Variants in FAT3 observed in about 807,000 individuals in gnomAD.
FAT3 encodes protocadherin Fat 3.
Under a neutral mutation model 310.2 loss-of-function variants are expected in FAT3, and 95 were observed. That is an observed-to-expected ratio of 0.31 (90% CI 0.26 to 0.36). The LOEUF (loss-of-function observed/expected upper bound fraction) is 0.36, where lower values mean the gene tolerates loss of function less well. Ranked by LOEUF, FAT3 falls within the 10% of genes least tolerant of loss-of-function variation. FAT3 has a pLI of 1.00. For missense variants in FAT3, 5,408 were observed against 5,715.6 expected, an observed-to-expected ratio of 0.95 and a Z score of 1.74; for synonymous variants, 2,314 against 2,192.9, an observed-to-expected ratio of 1.06 and a Z score of -1.54.
intron 20 of FAT3, among the ~76,000 whole-genome samples, 192 bp downstream of exon 20, chr11:92,857,540 A>G (rs1014814264): frequency 2.6e-5 from 4 of 152,216 alleles, no homozygotes; most frequent in African/African-American, 9.7e-5. Flanking sequence ...GCTTGTGCTA[A>G]GGGAGCATGT....
intron 13 of FAT3, among the ~76,000 whole-genome samples, chr11:92,817,217 G>A (rs1296056745): frequency 6.6e-6 from 1 of 152,116 alleles, no homozygotes; most frequent in Non-Finnish European, 1.5e-5. Context: ...AAAGGTGAGC[G>A]GGAGTCAGTA....
intron 8 of FAT3, among the ~76,000 whole-genome samples, chr11:92,791,857 A>G (rs796466101): frequency 1.8e-4 from 27 of 152,308 alleles, no homozygotes; most frequent in African/African-American, 6.5e-4. Context: ...AGGAAACTTT[A>G]AAACTGCCAA....
Position 92,805,197 on chromosome 11 carries a change from G to A in FAT3, c.8941G>A (p.Glu2981Lys), listed in dbSNP as rs1379162964. 1 of 1,613,648 alleles carries A rather than the reference G, an allele frequency of 6.2e-7. No homozygotes were observed. The highest frequency in any genetic ancestry group is 8.5e-7 in the Non-Finnish European group (1 of 1,179,764). The change falls in exon 11 of 28, where the codon GAG (glutamate) becomes AAG (lysine). Residue 2981 changes from glutamate to lysine, a missense_variant. Physicochemically the swap from Glu to Lys is moderately conservative, Grantham distance 56 (BLOSUM62 1). Transcript: ENST00000525166. ...GRFALGLVQSEWKVYVKRPLD... is the reference protein window; with the variant it reads ...GRFALGLVQSKWKVYVKRPLD... ...GTTTGCTCTGGGCCTGGTGCAAAGTGAGTGGAAGGTCTATGTGAAGAGGCC... is the reference window on the plus strand; with the variant it reads ...GTTTGCTCTGGGCCTGGTGCAAAGTAAGTGGAAGGTCTATGTGAAGAGGCC...
intron 2 of FAT3, among the ~76,000 whole-genome samples, chr11:92,486,895 C>T (rs891337903): frequency 6.6e-6 from 1 of 152,108 alleles, no homozygotes; most frequent in African/African-American, 2.4e-5. Flanking sequence ...TCATCTGGTT[C>T]CTACTAGCAA....
chr11:92,413,468 A>ACCTGT (rs1197988716), intron 2 of FAT3, among the ~76,000 whole-genome samples: 1 of 152,154 alleles, frequency 6.6e-6, no homozygotes, highest in Non-Finnish European at 1.5e-5. Flanking sequence ...TTTAGATAAC[A>ACCTGT]CCTGTCAAAT....
At chr11:92,508,557 C>T (rs1374635211) in intron 2 of FAT3, among the ~76,000 whole-genome samples, 1 of 152,036 alleles carries the variant, frequency 6.6e-6, no homozygotes, top group African/African-American at 2.4e-5. Flanking sequence ...AAGTTCAAGT[C>T]CATTCATTAC....
chr11:92,459,322 A>G (rs1177114358), intron 2 of FAT3, among the ~76,000 whole-genome samples: 1 of 152,154 alleles, frequency 6.6e-6, no homozygotes, highest in Non-Finnish European at 1.5e-5. Flanking sequence ...CCAGTTGGCC[A>G]TTGGAGCTGC....
At chr11:92,563,954 G>A (rs866998707) in intron 3 of FAT3, among the ~76,000 whole-genome samples, 19 of 151,800 alleles carry the variant, frequency 1.3e-4, no homozygotes, top group Admixed American at 5.9e-4. Flanking sequence ...AAAGACCATC[G>A]AGACTAGGAA....
intron 2 of FAT3, among the ~76,000 whole-genome samples, chr11:92,515,791 C>T (rs939104398): frequency 2.6e-5 from 4 of 151,808 alleles, no homozygotes; most frequent in African/African-American, 9.7e-5. Flanking sequence ...GTCAAAATAC[C>T]AGGTGCACAA....
At chr11:92,574,173 T>C (rs1938340855) in intron 3 of FAT3, among the ~76,000 whole-genome samples, 1 of 152,188 alleles carries the variant, frequency 6.6e-6, no homozygotes, top group Non-Finnish European at 1.5e-5. Flanking sequence ...CCCACACATC[T>C]GTTTAGAAGC....
intron 2 of FAT3, among the ~76,000 whole-genome samples, chr11:92,474,543 C>G (rs1951998685): frequency 6.6e-6 from 1 of 152,010 alleles, no homozygotes; most frequent in African/African-American, 2.4e-5. Context: ...TTCCAGCCCT[C>G]AAGATGCTCA....
chr11:92,844,051 G>C lies in FAT3; in HGVS notation c.10684G>C (p.Glu3562Gln). The C allele has an allele frequency of 6.2e-7, 1 of 1,613,996 alleles. No homozygotes were observed. The highest frequency in any genetic ancestry group is 1.3e-5 in the African/African-American group (1 of 75,034). Residue 3562 changes from glutamate to glutamine, a missense_variant, in exon 19 of 28, where the codon GAG (glutamate) becomes CAG (glutamine). Glu to Gln is a conservative substitution (Grantham distance 29). Coordinates refer to ENST00000525166, the MANE Select transcript of FAT3 (RefSeq NM_001367949.2). ...IPLEIFIVTM[E>Q]DDFPGGVIGK... Reference sequence around the variant, plus strand: ...CCTGGAAATTTTCATTGTCACCATGGAGGATGACTTTCCTGGTGGGGTCAT... The same window carrying C: ...CCTGGAAATTTTCATTGTCACCATGCAGGATGACTTTCCTGGTGGGGTCAT...
chr11:92,730,103 A>T (rs1945133655), intron 4 of FAT3, among the ~76,000 whole-genome samples: 1 of 152,136 alleles, frequency 6.6e-6, no homozygotes, highest in African/African-American at 2.4e-5. Flanking sequence ...GCATTTTGGG[A>T]GGCCGAGGTG....
At chr11:92,666,622 A>G (rs1942963178) in intron 3 of FAT3, among the ~76,000 whole-genome samples, 1 of 151,900 alleles carries the variant, frequency 6.6e-6, no homozygotes, top group African/African-American at 2.4e-5. Flanking sequence ...GGCCTCCCAA[A>G]GTGCTGAGAT....
rs1211887842 is a variant in FAT3 at position 92,799,329 on chromosome 11, G to T, written c.6316G>T (p.Val2106Leu). ...GGAACCCGGGACTCTGATTTATCAGGTGACAGCCATTGACAAAGATAAAGG... is the reference window on the plus strand; with the variant it reads ...GGAACCCGGGACTCTGATTTATCAGTTGACAGCCATTGACAAAGATAAAGG... Reference protein sequence around the residue: ...DAEPGTLIYQVTAIDKDKGPN... With the variant: ...DAEPGTLIYQLTAIDKDKGPN... The change falls in exon 10 of 28, where the codon GTG becomes TTG. Residue 2106 changes from valine to leucine, a missense_variant. This residue lies in a region of FAT3 where 4,588 missense variants were observed against 4,809.8 expected (regional missense o/e 0.95). Coordinates refer to ENST00000525166, the MANE Select transcript of FAT3 (RefSeq NM_001367949.2). 1 of 1,613,780 alleles carries T rather than the reference G, an allele frequency of 6.2e-7. No individual in the cohort carries two copies. The highest frequency in any genetic ancestry group is 8.5e-7 in the Non-Finnish European group (1 of 1,179,878).
intron 3 of FAT3, among the ~76,000 whole-genome samples, chr11:92,612,204 A>T (rs528532404): frequency 6.6e-6 from 1 of 152,266 alleles, no homozygotes; most frequent in Admixed American, 6.5e-5. Context: ...TTTATACTAC[A>T]CATTTTGTCT....
At chr11:92,249,758 C>A (rs1049753791) in intron 1 of FAT3, among the ~76,000 whole-genome samples, 6 of 152,026 alleles carry the variant, frequency 3.9e-5, no homozygotes, top group Non-Finnish European at 7.4e-5. Context: ...ACCTGAGGTG[C>A]CAGCAGCAAA....
At chr11:92,607,877 C>T (rs908381257) in intron 3 of FAT3, among the ~76,000 whole-genome samples, 8 of 152,094 alleles carry the variant, frequency 5.3e-5, no homozygotes, top group African/African-American at 1.9e-4. Context: ...ACCACTTTCC[C>T]CTTTCTATAA....
At chr11:92,360,310 T>C (rs530002708) in intron 2 of FAT3, among the ~76,000 whole-genome samples, 2 of 152,338 alleles carry the variant, frequency 1.3e-5, no homozygotes, top group African/African-American at 4.8e-5. Context: ...AATCAAACCA[T>C]ACCTTTGAAA....
Sources: gnomAD v4.1 joint callset for allele counts (sites outside exome capture counted in the v4.1 genomes callset) on GRCh38, gnomAD v4.1.1 for gene constraint, gnomAD v4.1.1 regional missense constraint, MANE v1.5 for transcripts, NCBI Gene and HGNC (gene_info 2026-07-23, HGNC 2026-07-21) for gene names.